PARD3B: variants seen among roughly 807,000 people sequenced by gnomAD.
PARD3B encodes the protein partitioning defective 3 homolog B.
PARD3B carries 103 observed loss-of-function variants against 130.2 expected under a neutral mutation model. That is an observed-to-expected ratio of 0.79 (90% confidence interval 0.67 to 0.93). PARD3B has a LOEUF of 0.93. Ranked by LOEUF, PARD3B falls within the 40% of genes least tolerant of loss-of-function variation. The pLI is 0.00. For missense variants in PARD3B, 1,609 were observed against 1,499.2 expected, an observed-to-expected ratio of 1.07 and a Z score of -1.21; for synonymous variants, 583 against 553.2, an observed-to-expected ratio of 1.05 and a Z score of -0.76.
chr2:205,592,931 CTG>C lies in PARD3B; in HGVS notation c.3261-22521_3261-22520del. On this transcript the variant is annotated intron_variant, in intron 22 of 22. Transcript: ENST00000406610. The surrounding 1 kb of genome is among the most constrained non-coding windows in gnomAD (Gnocchi z 4.5). ...ACTGACTCAGCCTTGAGCAGAAGCACTGTGTTTTGTCTTTCATCTCATTGCCC... is the reference window on the plus strand; with the variant it reads ...ACTGACTCAGCCTTGAGCAGAAGCACTGTTTTGTCTTTCATCTCATTGCCC... Among the ~76,000 whole-genome samples, 1 of 152,382 alleles carries C rather than the reference CTG, an allele frequency of 6.6e-6. No homozygotes were observed. The highest frequency in any genetic ancestry group is 2.1e-4 in the South Asian group (1 of 4,834).
intron 2 of PARD3B, among the ~76,000 whole-genome samples, chr2:204,687,955 C>G (rs1018531536): frequency 1.3e-5 from 2 of 152,116 alleles, no homozygotes; most frequent in Non-Finnish European, 2.9e-5. Context: ...GATAATTTGT[C>G]CCATAGAGCT....
At chr2:204,721,530 C>A (rs2038997166) in intron 2 of PARD3B, among the ~76,000 whole-genome samples, 1 of 152,088 alleles carries the variant, frequency 6.6e-6, no homozygotes, top group South Asian at 2.1e-4. Flanking sequence ...TTTAACATAT[C>A]TTTAAATTAG....
intron 2 of PARD3B, among the ~76,000 whole-genome samples, chr2:204,751,967 G>A (rs1000323830): frequency 1.3e-5 from 2 of 152,036 alleles, no homozygotes; most frequent in Non-Finnish European, 2.9e-5. Flanking sequence ...GTGATGTCAA[G>A]GGCTATGTAT....
intron 2 of PARD3B, among the ~76,000 whole-genome samples, chr2:204,741,462 C>G (rs2040007765): frequency 6.6e-6 from 1 of 152,108 alleles, no homozygotes; most frequent in Non-Finnish European, 1.5e-5. Context: ...GCGACACTAA[C>G]TCTCCTCACA....
At chr2:204,551,753 C>T (rs1173084614) in intron 1 of PARD3B, among the ~76,000 whole-genome samples, 2 of 152,150 alleles carry the variant, frequency 1.3e-5, no homozygotes, top group South Asian at 2.1e-4. Flanking sequence ...AATTCATTCC[C>T]AGGGTATTCT....
At chr2:204,754,762 G>T (rs1457489481) in intron 2 of PARD3B, among the ~76,000 whole-genome samples, 1 of 152,038 alleles carries the variant, frequency 6.6e-6, no homozygotes, top group Non-Finnish European at 1.5e-5. Context: ...TGACCATTTG[G>T]TTTACCTCTT....
chr2:204,689,063 A>C lies in PARD3B; in HGVS notation c.222+2781A>C, dbSNP rs921010642. Among the ~76,000 whole-genome samples, 50 of 152,202 alleles carry C rather than the reference A, an allele frequency of 3.3e-4. No homozygotes were observed. Among genetic ancestry groups the C allele is most frequent in the African/African-American group, 1.2e-3 (48 of 41,460 alleles). On this transcript the variant is annotated intron_variant, in intron 2 of 22. Transcript: ENST00000406610. The surrounding 1 kb of genome is among the most constrained non-coding windows in gnomAD (Gnocchi z 5.2). ...GAAAGCAGGGGAGGCTGGGCCATTT[A>C]GTGTATGGTAACACCATCCCATACA...
intron 2 of PARD3B, among the ~76,000 whole-genome samples, chr2:204,789,770 A>G (rs908345522): frequency 5.3e-5 from 8 of 152,088 alleles, no homozygotes; most frequent in African/African-American, 1.9e-4. Context: ...ATCATTACAC[A>G]TGTTATTTCA....
intron 2 of PARD3B, among the ~76,000 whole-genome samples, chr2:204,828,341 T>C (rs573642333): frequency 4.6e-5 from 7 of 152,316 alleles, no homozygotes; most frequent in Non-Finnish European, 7.4e-5. Flanking sequence ...GGGAGTTCCC[T>C]GAGGCTCAGT....
chr2:204,715,863 A>G (rs1052030073), intron 2 of PARD3B, among the ~76,000 whole-genome samples: 2 of 152,050 alleles, frequency 1.3e-5, no homozygotes, highest in Non-Finnish European at 2.9e-5. Flanking sequence ...CTTAAATTCA[A>G]TGTGTCATCT....
At chr2:204,794,157 C>A (rs1331719593) in intron 2 of PARD3B, among the ~76,000 whole-genome samples, 5 of 152,012 alleles carry the variant, frequency 3.3e-5, no homozygotes, top group African/African-American at 4.8e-5. Flanking sequence ...ATGTTCAAAG[C>A]AACATTGCTT....
intron 21 of PARD3B, among the ~76,000 whole-genome samples, chr2:205,539,782 G>T (rs1347569208): frequency 2.6e-5 from 4 of 151,834 alleles, no homozygotes; most frequent in African/African-American, 9.7e-5. Flanking sequence ...GAGCAAACGT[G>T]TTCTGCTCAA....
chr2:205,254,178 T>A (rs2125935106), intron 16 of PARD3B, among the ~76,000 whole-genome samples: 1 of 151,558 alleles, frequency 6.6e-6, no homozygotes, highest in South Asian at 2.1e-4. Flanking sequence ...AGACCTTTCA[T>A]TTTAAACATC....
At chr2:204,858,531 TA>T (rs1304397602) in intron 2 of PARD3B, among the ~76,000 whole-genome samples, 1 of 147,528 alleles carries the variant, frequency 6.8e-6, no homozygotes, top group Non-Finnish European at 1.5e-5. Context: ...ATGAAATATA[TA>T]GAGAGGATAA....
intron 2 of PARD3B, among the ~76,000 whole-genome samples, chr2:204,797,098 C>T (rs559297823): frequency 4.7e-5 from 7 of 147,568 alleles, no homozygotes; most frequent in South Asian, 2.1e-4. Context: ...TCGCTTGAAC[C>T]GAGGAGGTGG....
chr2:204,957,652 G>C (rs1160612906), intron 2 of PARD3B, among the ~76,000 whole-genome samples: 1 of 151,974 alleles, frequency 6.6e-6, no homozygotes, highest in East Asian at 1.9e-4. Context: ...CAAAATCCTG[G>C]GAAGGAAGAG....
chr2:205,076,823 T>G (rs983533872), intron 4 of PARD3B, among the ~76,000 whole-genome samples: 2 of 152,138 alleles, frequency 1.3e-5, no homozygotes, highest in Non-Finnish European at 2.9e-5. Context: ...GCCAAAAAGA[T>G]TGGGGACCAC....
chr2:204,955,074 T>G (rs936560497), intron 2 of PARD3B, among the ~76,000 whole-genome samples: 2 of 152,222 alleles, frequency 1.3e-5, no homozygotes, highest in African/African-American at 2.4e-5. Flanking sequence ...TATTCATGAC[T>G]TAAAATCACA....
chr2:204,630,150 A>G (rs1194287561), intron 1 of PARD3B, among the ~76,000 whole-genome samples: 1 of 152,072 alleles, frequency 6.6e-6, no homozygotes, highest in East Asian at 1.9e-4. Context: ...AGTACCCTCT[A>G]TTCTTTATAT....
Sources: allele counts gnomAD v4.1 joint callset (sites outside exome capture counted in the v4.1 genomes callset), GRCh38; gene constraint gnomAD v4.1.1; non-coding constraint Gnocchi (gnomAD v3.1); transcripts MANE v1.5; gene names NCBI Gene and HGNC (gene_info 2026-07-23, HGNC 2026-07-21).